Variants in CACNA1C observed in about 807,000 individuals in gnomAD.
CACNA1C encodes the protein calcium voltage-gated channel subunit alpha1 C, also known as voltage-dependent L-type calcium channel subunit alpha-1C.
In CACNA1C, 30 loss-of-function variants were observed where a neutral mutation model predicts 229.0. The observed-to-expected ratio is 0.13, with a 90% confidence interval of 0.10 to 0.18. CACNA1C has a LOEUF of 0.18. Among genes scored for constraint, CACNA1C ranks in the 10% least tolerant of loss-of-function variants. CACNA1C has a pLI of 1.00. For missense variants in CACNA1C, 1,658 were observed against 2,845.0 expected, an observed-to-expected ratio of 0.58 and a Z score of 9.49; for synonymous variants, 1,114 against 1,132.5, an observed-to-expected ratio of 0.98 and a Z score of 0.33.
At chr12:2,555,168 A>G (rs893963901) in intron 10 of CACNA1C, among the ~76,000 whole-genome samples, 2 of 152,118 alleles carry the variant, frequency 1.3e-5, no homozygotes, top group African/African-American at 2.4e-5. Flanking sequence ...CCCAGCGCCA[A>G]TCCTGCTTCC....
intron 3 of CACNA1C, among the ~76,000 whole-genome samples, chr12:2,146,736 C>T (rs111765418): frequency 1.1e-4 from 16 of 151,400 alleles, no homozygotes; most frequent in African/African-American, 2.7e-4. Context: ...GTGGGCAGAG[C>T]GTCACACAAC....
Position 2,682,697 on chromosome 12 carries a change from T to C in CACNA1C, c.5573+19T>C. ...CAGAGATGTGAGCTCTGCTGCCCTC[T>C]GCTGAGGCTGACCCAAGTGTGGGAA... is the stretch of plus-strand genomic sequence containing the variant. On this transcript the variant is annotated intron_variant, in intron 43 of 46. Transcript: ENST00000399655. 6.2e-7 allele frequency: 1 copy of C among 1,604,160 alleles called. No homozygotes were observed. The highest frequency in any genetic ancestry group is 8.5e-7 in the Non-Finnish European group (1 of 1,177,188).
intron 3 of CACNA1C, chr12:2,269,882 C>G (rs1165162942): frequency 6.6e-6 from 1 of 152,202 alleles, no homozygotes; most frequent in Non-Finnish European, 1.5e-5. Context: ...GGAGGAGGAC[C>G]ATGAGGGAGA....
chr12:2,453,969 G>A (rs1487109238), intron 4 of CACNA1C, among the ~76,000 whole-genome samples: 2 of 152,146 alleles, frequency 1.3e-5, no homozygotes, highest in African/African-American at 4.8e-5. Context: ...TCAGCAGGCA[G>A]CCACTTCCTC....
chr12:2,599,287 A>T (rs887365479), intron 21 of CACNA1C, among the ~76,000 whole-genome samples: 1 of 152,026 alleles, frequency 6.6e-6, no homozygotes, highest in African/African-American at 2.4e-5. Flanking sequence ...CCTCCTTCCC[A>T]CTGGGTCCCT....
intron 9 of CACNA1C, among the ~76,000 whole-genome samples, chr12:2,522,083 A>G (rs1336691386): frequency 1.3e-5 from 2 of 152,070 alleles, no homozygotes; most frequent in Non-Finnish European, 2.9e-5. Flanking sequence ...TGCCTACAGC[A>G]CCTGTTTCCT....
intron 1 of CACNA1C, among the ~76,000 whole-genome samples, chr12:2,015,295 T>G (rs1009339752): frequency 4.6e-5 from 7 of 152,228 alleles, no homozygotes; most frequent in African/African-American, 1.2e-4. Flanking sequence ...CTGTACAGCA[T>G]CTAACAAAAT....
intron 1 of CACNA1C, chr12:1,991,163 G>A (rs1381401501): frequency 1.3e-5 from 6 of 456,088 alleles, no homozygotes; most frequent in Non-Finnish European, 2.6e-5. Context: ...AGTACAGGTG[G>A]TGTGGAAAAA....
chr12:2,610,796 T>A, intron 28 of CACNA1C, 97 bp downstream of exon 28: 1 of 1,232,604 alleles, frequency 8.1e-7, no homozygotes, highest in Non-Finnish European at 1.2e-6. Flanking sequence ...AGTGCATCGC[T>A]TTCCTGGTCA....
chr12:2,527,666 G>T (rs1765576528), intron 9 of CACNA1C, among the ~76,000 whole-genome samples: 1 of 152,222 alleles, frequency 6.6e-6, no homozygotes, highest in Admixed American at 6.5e-5. Context: ...GAGTCTCAAT[G>T]AATTTACTAA....
chr12:2,297,267 G>A (rs780730534), intron 3 of CACNA1C, among the ~76,000 whole-genome samples: 15 of 152,202 alleles, frequency 9.9e-5, no homozygotes, highest in African/African-American at 1.9e-4. Flanking sequence ...AGTGACAGCA[G>A]CATTCACCAG....
chr12:2,299,169 G>A (rs2094349942), intron 3 of CACNA1C, among the ~76,000 whole-genome samples: 1 of 152,186 alleles, frequency 6.6e-6, no homozygotes, highest in African/African-American at 2.4e-5. Flanking sequence ...AACTTTATGC[G>A]CTATGCGTTA....
chr12:2,555,838 C>T (rs2043879831), intron 10 of CACNA1C, among the ~76,000 whole-genome samples: 1 of 152,134 alleles, frequency 6.6e-6, no homozygotes, highest in Non-Finnish European at 1.5e-5. Context: ...GAGGGGCTGG[C>T]GTTTTCTTGC....
At chr12:2,433,263 T>C (rs2099103507) in intron 3 of CACNA1C, among the ~76,000 whole-genome samples, 1 of 152,152 alleles carries the variant, frequency 6.6e-6, no homozygotes, top group Admixed American at 6.5e-5. Flanking sequence ...TCCATCCTGG[T>C]GTAGCTGATG....
chr12:2,419,112 G>C (rs185776826), intron 3 of CACNA1C, among the ~76,000 whole-genome samples: 4 of 152,240 alleles, frequency 2.6e-5, no homozygotes, highest in African/African-American at 9.6e-5. Flanking sequence ...CTCTCTGCCT[G>C]TATTAGGCCA....
At chr12:2,628,170 G>A (rs1054347302) in intron 29 of CACNA1C, among the ~76,000 whole-genome samples, 10 of 152,174 alleles carry the variant, frequency 6.6e-5, no homozygotes, top group Non-Finnish European at 1.3e-4. Context: ...GAGAAGGAGC[G>A]AAGGACTCGG....
intron 1 of CACNA1C, among the ~76,000 whole-genome samples, chr12:1,982,357 C>G (rs968578116): frequency 2.5e-4 from 38 of 152,116 alleles, no homozygotes; most frequent in African/African-American, 8.9e-4. Context: ...ACTCTGTACC[C>G]ATTAGAAGAT....
intron 34 of CACNA1C, among the ~76,000 whole-genome samples, chr12:2,662,855 T>C (rs1467650324): frequency 6.6e-6 from 1 of 152,216 alleles, no homozygotes; most frequent in Non-Finnish European, 1.5e-5. Context: ...AAATACAACT[T>C]ACGGCAGAAG....
At position 2,566,805 on chromosome 12, in the gene CACNA1C, A is replaced by T. The variant is rs915252410; in HGVS notation, c.1669+223A>T. On this transcript the variant is annotated intron_variant, in intron 12 of 46. Transcript: ENST00000399655. This position sits in a 1 kb window ranked among gnomAD's most constrained non-coding sequence, Gnocchi z 4.0. ...AGACACGGCTCTCCTGACTGGGCCC[A>T]CACCATCAGCCTGCCCCAAAGTCAC... Among the ~76,000 whole-genome samples, 5 of 152,168 alleles carry T rather than the reference A, an allele frequency of 3.3e-5. No individual in the cohort carries two copies. Among genetic ancestry groups the T allele is most frequent in the African/African-American group, 1.2e-4 (5 of 41,436 alleles).
Sources: allele counts gnomAD v4.1 joint callset (sites outside exome capture counted in the v4.1 genomes callset), GRCh38; gene constraint gnomAD v4.1.1; non-coding constraint Gnocchi (gnomAD v3.1); transcripts MANE v1.5; gene names NCBI Gene and HGNC (gene_info 2026-07-23, HGNC 2026-07-21).